Variants in FKBP5 observed in about 807,000 individuals in gnomAD.
The protein encoded by FKBP5 is peptidyl-prolyl cis-trans isomerase FKBP5.
Under a neutral mutation model 50.5 loss-of-function variants are expected in FKBP5, and 23 were observed. The ratio of observed to expected loss-of-function variants is 0.46; its 90% CI spans 0.33 to 0.65. FKBP5 has a LOEUF of 0.65. FKBP5 is among the 30% of genes least tolerant of loss of function. FKBP5 has a pLI of 0.02. For missense variants in FKBP5, 411 were observed against 553.1 expected (o/e 0.74, Z 2.58); for synonymous variants, 176 against 190.6 (o/e 0.92, Z 0.63).
At chr6:35,658,534 CAT>C (rs1279150805) in intron 1 of FKBP5, among the ~76,000 whole-genome samples, 1 of 152,128 alleles carries the variant, frequency 6.6e-6, no homozygotes, top group Non-Finnish European at 1.5e-5. Flanking sequence ...TACCCTTTAT[CAT>C]ATTGAGAAGT....
At chr6:35,685,187 T>G (rs1194483861) in intron 1 of FKBP5, among the ~76,000 whole-genome samples, 1 of 152,234 alleles carries the variant, frequency 6.6e-6, no homozygotes. Context: ...AAAATATCCT[T>G]ATTAATCTGT....
chr6:35,636,742 G>GA (rs1554134530), intron 3 of FKBP5, among the ~76,000 whole-genome samples: 1 of 152,140 alleles, frequency 6.6e-6, no homozygotes, highest in Non-Finnish European at 1.5e-5. Context: ...GGAACCAGCA[G>GA]TTTTTTTACA....
At chr6:35,612,205 A>G (rs1034794610) in intron 5 of FKBP5, among the ~76,000 whole-genome samples, 1 of 152,162 alleles carries the variant, frequency 6.6e-6, no homozygotes, top group Admixed American at 6.6e-5. Flanking sequence ...AGTCTGGCTA[A>G]CATGACGAAA....
chr6:35,700,642 T>A (rs1472250453), intron 2 of FKBP5, among the ~76,000 whole-genome samples: 4 of 152,122 alleles, frequency 2.6e-5, no homozygotes, highest in Non-Finnish European at 4.4e-5. Flanking sequence ...GGCTCACCTC[T>A]CTGGTAGAGT....
At chr6:35,698,562 G>A (rs1285738476) in intron 2 of FKBP5, among the ~76,000 whole-genome samples, 3 of 152,066 alleles carry the variant, frequency 2.0e-5, no homozygotes, top group East Asian at 1.9e-4. Context: ...CAGGAGAATC[G>A]CTTGAACCTG....
chr6:35,653,558 G>C (rs1373163630), intron 1 of FKBP5, among the ~76,000 whole-genome samples: 4 of 152,172 alleles, frequency 2.6e-5, no homozygotes, highest in African/African-American at 9.7e-5. Flanking sequence ...TACTATTCTT[G>C]AGTGTCATCG....
intron 1 of FKBP5, among the ~76,000 whole-genome samples, chr6:35,678,478 T>TA (rs1459479107): frequency 6.6e-6 from 1 of 152,218 alleles, no homozygotes; most frequent in Non-Finnish European, 1.5e-5. Flanking sequence ...CCTAAGATAT[T>TA]ACACTAACCA....
intron 5 of FKBP5, among the ~76,000 whole-genome samples, chr6:35,610,172 A>G (rs1763446208): frequency 2.0e-5 from 3 of 152,202 alleles, no homozygotes; most frequent in African/African-American, 7.2e-5. Flanking sequence ...TGAGCTGGGC[A>G]TGATGGGCAC....
chr6:35,582,571 C>T, intron 8 of FKBP5: 1 of 789,424 alleles, frequency 1.3e-6, no homozygotes, highest in Non-Finnish European at 1.5e-6. Flanking sequence ...TCCCCAGACA[C>T]TGATCCTGCT....
At chr6:35,604,521 T>C (rs1318584896) in intron 5 of FKBP5, among the ~76,000 whole-genome samples, 3 of 152,216 alleles carry the variant, frequency 2.0e-5, no homozygotes, top group East Asian at 1.9e-4. Context: ...AGGACATTCA[T>C]AAATACTTCA....
intron 2 of FKBP5, among the ~76,000 whole-genome samples, chr6:35,714,000 T>C (rs4713921): frequency 0.72 from 109,273 of 151,698 alleles, 39,428 homozygotes; most frequent in African/African-American, 0.77. Context: ...TCCACTGAGA[T>C]GTGAGGCTCT....
chr6:35,674,965 G>A (rs1451748225), intron 1 of FKBP5, among the ~76,000 whole-genome samples: 2 of 152,152 alleles, frequency 1.3e-5, no homozygotes, highest in Admixed American at 6.5e-5. Flanking sequence ...TGTTCATTTT[G>A]TTAACCCTAC....
intron 3 of FKBP5, among the ~76,000 whole-genome samples, chr6:35,630,283 C>T (rs975318147): frequency 1.3e-5 from 2 of 152,192 alleles, no homozygotes. Context: ...GGTGCAGTGG[C>T]TCACCCCTGT....
intron 1 of FKBP5, among the ~76,000 whole-genome samples, chr6:35,658,066 TAA>T (rs747364862): frequency 2.0e-4 from 22 of 110,972 alleles, no homozygotes; most frequent in Middle Eastern, 5.0e-3. Context: ...CTGTTTCTAC[TAA>T]AAAAAAAAAA....
intron 5 of FKBP5, 46 bp from the exon 6 acceptor site, chr6:35,597,450 C>T (rs763148745): frequency 2.2e-5 from 35 of 1,569,552 alleles, no homozygotes; most frequent in Admixed American, 8.3e-5. Context: ...CTTCTTAGGA[C>T]TGGCTAATTC....
At chr6:35,685,060 CA>C (rs550437689) in intron 1 of FKBP5, among the ~76,000 whole-genome samples, 54 of 130,298 alleles carry the variant, frequency 4.1e-4, no homozygotes, top group African/African-American at 4.3e-4. Flanking sequence ...GACCCCGACT[CA>C]AAAAAAAAAA....
At chr6:35,656,380 T>C (rs1764949026) in intron 1 of FKBP5, among the ~76,000 whole-genome samples, 1 of 152,220 alleles carries the variant, frequency 6.6e-6, no homozygotes, top group African/African-American at 2.4e-5. Context: ...AACTCTGTTA[T>C]TTTGTATTTA....
At chr6:35,600,543 T>TAAA (rs35341260) in intron 5 of FKBP5, among the ~76,000 whole-genome samples, 2 of 148,838 alleles carry the variant, frequency 1.3e-5, no homozygotes, top group South Asian at 4.2e-4. Context: ...ACACTTTTCA[T>TAAA]AAAAAAAAAA....
intron 1 of FKBP5, among the ~76,000 whole-genome samples, chr6:35,670,264 A>G (rs917154180): frequency 3.9e-5 from 6 of 152,202 alleles, no homozygotes; most frequent in African/African-American, 1.4e-4. Flanking sequence ...AGAAAAGCCA[A>G]TGACAATTTT....
Sources: gnomAD v4.1 joint callset for allele counts (sites outside exome capture counted in the v4.1 genomes callset) on GRCh38, gnomAD v4.1.1 for gene constraint, MANE v1.5 for transcripts, NCBI Gene and HGNC (gene_info 2026-07-23, HGNC 2026-07-21) for gene names.